Variants in IQCK observed in about 807,000 individuals in gnomAD.
The protein encoded by IQCK is IQ domain-containing protein K.
A neutral mutation model predicts 28.1 loss-of-function variants in IQCK; 29 were observed. The observed-to-expected ratio is 1.03, with a 90% CI of 0.77 to 1.41. The LOEUF is 1.41. Ranked by LOEUF, IQCK falls within the 40% of genes most tolerant of loss-of-function variation. The pLI, the probability that IQCK is intolerant of heterozygous loss-of-function variation, is 0.00. For synonymous variants in IQCK, 113 were observed against 115.1 expected (o/e 0.98, Z 0.12); for missense variants, 359 against 314.7 (o/e 1.14, Z -1.07).
chr16:19,816,812 A>T (rs1441064405), intron 7 of IQCK, among the ~76,000 whole-genome samples: 1 of 152,234 alleles, frequency 6.6e-6, no homozygotes, highest in Non-Finnish European at 1.5e-5. Flanking sequence ...AATTACTAAC[A>T]GTGAGAGCTT....
At chr16:19,784,306 G>C (rs910337846) in intron 6 of IQCK, among the ~76,000 whole-genome samples, 1 of 152,036 alleles carries the variant, frequency 6.6e-6, no homozygotes, top group Non-Finnish European at 1.5e-5. Flanking sequence ...GACCTTGTGA[G>C]CTGGCCCCAT....
At chr16:19,813,333 C>G (rs2055932562) in intron 7 of IQCK, among the ~76,000 whole-genome samples, 1 of 152,120 alleles carries the variant, frequency 6.6e-6, no homozygotes, top group African/African-American at 2.4e-5. Flanking sequence ...GTTGAAGAAA[C>G]ATGAATCTTG....
intron 6 of IQCK, among the ~76,000 whole-genome samples, chr16:19,769,668 G>C (rs2055291615): frequency 6.6e-6 from 1 of 152,186 alleles, no homozygotes; most frequent in African/African-American, 2.4e-5. Context: ...AGAAGTTTGG[G>C]CATTATTCCA....
intron 4 of IQCK, among the ~76,000 whole-genome samples, chr16:19,749,810 G>A (rs1220516264): frequency 6.6e-6 from 1 of 151,818 alleles, no homozygotes; most frequent in Non-Finnish European, 1.5e-5. Flanking sequence ...GCCAATTCAT[G>A]CTTTGAAGTC....
chr16:19,799,597 TACACACAC>T lies in IQCK; in HGVS notation c.690+10712_690+10719del, dbSNP rs529119301. ...ATATTTTATTTTATATATATATATATACACACACACACACACACACACACACACACACA... is the reference window on the plus strand; with the variant it reads ...ATATTTTATTTTATATATATATATATACACACACACACACACACACACACA... On this transcript the variant is annotated intron_variant, in intron 7 of 7. Transcript: ENST00000564186. Among the ~76,000 whole-genome samples, 456 of 111,662 alleles carry T rather than the reference TACACACAC, an allele frequency of 4.1e-3. 28 individuals carry two copies. The highest frequency in any genetic ancestry group is 0.017 in the African/African-American group (329 of 19,102). 73.3% of individuals were successfully genotyped at this position (111,662 alleles called of 152,430 possible).
chr16:19,738,169 T>C (rs996948754), intron 4 of IQCK, among the ~76,000 whole-genome samples: 1 of 152,234 alleles, frequency 6.6e-6, no homozygotes, highest in Non-Finnish European at 1.5e-5. Context: ...GCCTAGCACA[T>C]GGTGAACATA....
intron 6 of IQCK, among the ~76,000 whole-genome samples, chr16:19,773,999 G>A (rs191210729): frequency 1.3e-5 from 2 of 152,260 alleles, no homozygotes; most frequent in Admixed American, 1.3e-4. Context: ...ATGGTATTGC[G>A]GGGGTCATCA....
At chr16:19,734,377 T>C (rs1345955921) in intron 3 of IQCK, among the ~76,000 whole-genome samples, 1 of 150,786 alleles carries the variant, frequency 6.6e-6, no homozygotes, top group African/African-American at 2.5e-5. Context: ...GGAGAATCTC[T>C]TGAACCTGGG....
rs199963301 is a variant in IQCK at position 19,743,205 on chromosome 16, ACT to A, written c.474+7756_474+7757del. On this transcript the variant is annotated intron_variant, in intron 4 of 7. Coordinates refer to ENST00000564186, the Ensembl canonical transcript of IQCK. ...AATAAATAAATAAAAGTCAGGGCCT[ACT>A]TTTAAGATCATAATTAAGCTACATG... is the stretch of plus-strand genomic sequence containing the variant. Among the ~76,000 whole-genome samples the A allele has an allele frequency of 8.5e-4, 130 of 152,288 alleles. 2 individuals are homozygous for A. The East Asian group carries it at 0.018, about 21-fold the overall frequency.
chr16:19,726,219 C>G (rs142786998), intron 1 of IQCK, among the ~76,000 whole-genome samples: 3 of 152,222 alleles, frequency 2.0e-5, no homozygotes, highest in Non-Finnish European at 4.4e-5. Flanking sequence ...CAGTCCGGAA[C>G]TCCTGAGAGA....
intron 3 of IQCK, 142 bp downstream of exon 3, chr16:19,733,969 C>T (rs1977924100): frequency 1.4e-6 from 1 of 726,884 alleles, no homozygotes; most frequent in African/African-American, 1.8e-5. Flanking sequence ...TTTTAAGAGA[C>T]ATGTCCTTTA....
chr16:19,823,735 G>A (rs1398312027), intron 7 of IQCK, among the ~76,000 whole-genome samples: 8 of 152,250 alleles, frequency 5.3e-5, no homozygotes, highest in South Asian at 2.1e-4. Context: ...TCAGGAGTTC[G>A]AGACCAGCCT....
At chr16:19,822,669 G>A (rs1390360190) in intron 7 of IQCK, among the ~76,000 whole-genome samples, 2 of 152,160 alleles carry the variant, frequency 1.3e-5, no homozygotes, top group African/African-American at 4.8e-5. Flanking sequence ...TAGGTCTGTG[G>A]TTGGCTGGGG....
At chr16:19,733,826 A>C (rs1567535376) in exon 3 of IQCK, 3 of 1,613,856 alleles carry the variant, frequency 1.9e-6, no homozygotes, top group East Asian at 2.2e-5. Flanking sequence ...ACCCAAAAAC[A>C]TGTGAGTAAG....
chr16:19,767,725 C>T (rs1459984219), intron 6 of IQCK, among the ~76,000 whole-genome samples: 1 of 151,922 alleles, frequency 6.6e-6, no homozygotes, highest in Non-Finnish European at 1.5e-5. Flanking sequence ...CAGGAAATGG[C>T]TGTTCTCATC....
intron 6 of IQCK, among the ~76,000 whole-genome samples, chr16:19,767,359 A>G (rs1472863829): frequency 2.0e-5 from 3 of 151,978 alleles, no homozygotes; most frequent in Non-Finnish European, 2.9e-5. Flanking sequence ...GGGCTTGGAG[A>G]ATGAGTGCAA....
chr16:19,826,817 A>G (rs553848364), intron 7 of IQCK, among the ~76,000 whole-genome samples: 2 of 152,220 alleles, frequency 1.3e-5, no homozygotes, highest in East Asian at 3.8e-4. Flanking sequence ...TTCTTAACCT[A>G]CTATTACTAT....
At chr16:19,785,391 C>T (rs2055548885) in intron 6 of IQCK, among the ~76,000 whole-genome samples, 1 of 152,114 alleles carries the variant, frequency 6.6e-6, no homozygotes, top group Admixed American at 6.5e-5. Context: ...TGAGGAGCTG[C>T]CAAGTGCCAG....
exon 1 of IQCK, chr16:19,718,431 C>G: frequency 6.2e-7 from 1 of 1,607,662 alleles, no homozygotes; most frequent in East Asian, 2.2e-5. Context: ...CTGCCTGTCT[C>G]GTCGTGGCAG....
Sources: gnomAD v4.1 joint callset for allele counts (sites outside exome capture counted in the v4.1 genomes callset) on GRCh38, gnomAD v4.1.1 for gene constraint, MANE v1.5 for transcripts, NCBI Gene and HGNC (gene_info 2026-07-23, HGNC 2026-07-21) for gene names.